Variants in TOP6BL observed in about 807,000 individuals in gnomAD.
The protein encoded by TOP6BL is type 2 DNA topoisomerase 6 subunit B-like.
the TOP6BL span, among the ~76,000 whole-genome samples, chr11:66,763,127 G>C: frequency 6.6e-6 from 1 of 152,298 alleles, no homozygotes. Flanking sequence ...CCTGTGCCCA[G>C]GCATTTGAGG....
At chr11:66,797,856 TTATCTGTAGTTAGATATG>T in the TOP6BL span, among the ~76,000 whole-genome samples, 1 of 152,216 alleles carries the variant, frequency 6.6e-6, no homozygotes, top group Admixed American at 6.5e-5. Context: ...AAATTTTTTA[TTATCTGTAGTTAGATATG>T]TTTATAAAGA....
At chr11:66,774,949 C>G in the TOP6BL span, among the ~76,000 whole-genome samples, 1 of 151,364 alleles carries the variant, frequency 6.6e-6, no homozygotes. Flanking sequence ...CCTGTCTCTA[C>G]TCAAAATGCA....
the TOP6BL span, among the ~76,000 whole-genome samples, chr11:66,833,194 G>A: frequency 6.6e-6 from 1 of 151,744 alleles, no homozygotes; most frequent in Non-Finnish European, 1.5e-5. Flanking sequence ...GATTACAGGC[G>A]CCTACCACCA....
chr11:66,780,629 G>T, the TOP6BL span, among the ~76,000 whole-genome samples: 1 of 151,904 alleles, frequency 6.6e-6, no homozygotes, highest in African/African-American at 2.4e-5. Context: ...ACCCAGGCCG[G>T]AGTGCAGTGG....
At chr11:66,828,460 C>A in the TOP6BL span, 2 of 860,618 alleles carry the variant, frequency 2.3e-6, no homozygotes, top group Non-Finnish European at 3.7e-6. Context: ...TTTCAGACTG[C>A]ATAATCTGAG....
chr11:66,794,132 A>G, the TOP6BL span, among the ~76,000 whole-genome samples: 1 of 149,928 alleles, frequency 6.7e-6, no homozygotes, highest in Non-Finnish European at 1.5e-5. Context: ...AAAAAAAAAA[A>G]GTAATAAAAT....
the TOP6BL span, among the ~76,000 whole-genome samples, chr11:66,820,236 T>C: frequency 6.6e-6 from 1 of 152,224 alleles, no homozygotes; most frequent in Admixed American, 6.5e-5. Context: ...AGAATCCTTT[T>C]GAGCTTACCA....
the TOP6BL span, chr11:66,828,692 T>G: frequency 5.5e-6 from 1 of 182,988 alleles, no homozygotes; most frequent in Non-Finnish European, 1.1e-5. Flanking sequence ...TAATTTCTCT[T>G]ATTTATTCAT....
chr11:66,772,232 A>T, the TOP6BL span, among the ~76,000 whole-genome samples: 2 of 152,182 alleles, frequency 1.3e-5, no homozygotes, highest in African/African-American at 4.8e-5. Context: ...TAGTATTTGA[A>T]ATACAATTGA....
At chr11:66,772,965 T>C in the TOP6BL span, among the ~76,000 whole-genome samples, 1 of 152,210 alleles carries the variant, frequency 6.6e-6, no homozygotes, top group Non-Finnish European at 1.5e-5. Context: ...TACAATTTCT[T>C]CCTTAAATAT....
the TOP6BL span, among the ~76,000 whole-genome samples, chr11:66,836,065 T>G: frequency 6.6e-6 from 1 of 152,242 alleles, no homozygotes; most frequent in African/African-American, 2.4e-5. Flanking sequence ...TCATTGTTTT[T>G]CTTACTGCCA....
the TOP6BL span, among the ~76,000 whole-genome samples, chr11:66,779,717 G>C: frequency 1.3e-5 from 2 of 152,142 alleles, no homozygotes; most frequent in Non-Finnish European, 2.9e-5. Context: ...GCACATGTAT[G>C]TTTACTGCGG....
the TOP6BL span, chr11:66,801,068 A>G: frequency 2.7e-5 from 44 of 1,613,814 alleles, no homozygotes; most frequent in South Asian, 4.5e-4. Context: ...TGGGAATGGA[A>G]TTGCTCTTTT....
chr11:66,793,444 GTTTTTTTTTT>G, the TOP6BL span, among the ~76,000 whole-genome samples: 1 of 97,982 alleles, frequency 1.0e-5, no homozygotes, highest in African/African-American at 3.8e-5. Context: ...TTCTTTTTTT[GTTTTTTTTTT>G]TTTTTTTTTT....
At chr11:66,765,338 T>A in the TOP6BL span, among the ~76,000 whole-genome samples, 58 of 152,342 alleles carry the variant, frequency 3.8e-4, no homozygotes, top group African/African-American at 1.4e-3. Context: ...TGTGATAAAG[T>A]GTGAGTGGCT....
At chr11:66,798,401 A>G in the TOP6BL span, among the ~76,000 whole-genome samples, 6 of 151,916 alleles carry the variant, frequency 3.9e-5, no homozygotes, top group African/African-American at 1.2e-4. Flanking sequence ...GGAGTTCCAG[A>G]CCAGCCTGGG....
the TOP6BL span, among the ~76,000 whole-genome samples, chr11:66,795,490 T>C: frequency 4.0e-3 from 615 of 151,952 alleles, 6 homozygotes; most frequent in African/African-American, 0.014. Flanking sequence ...TTAGTAGAGA[T>C]GGGGTTTCAC....
the TOP6BL span, among the ~76,000 whole-genome samples, chr11:66,755,209 C>T: frequency 6.6e-6 from 1 of 152,034 alleles, no homozygotes; most frequent in Non-Finnish European, 1.5e-5. Context: ...CAACCTCCGC[C>T]TCCTGGGTTC....
the TOP6BL span, among the ~76,000 whole-genome samples, chr11:66,747,001 A>G: frequency 5.3e-5 from 8 of 152,052 alleles, no homozygotes; most frequent in East Asian, 3.9e-4. Flanking sequence ...CAGTGACCCA[A>G]TCTTGGCTCA....
Sources: allele counts gnomAD v4.1 joint callset (sites outside exome capture counted in the v4.1 genomes callset), GRCh38; gene constraint gnomAD v4.1.1; transcripts MANE v1.5; gene names NCBI Gene and HGNC (gene_info 2026-07-23, HGNC 2026-07-21).